The following CNNM2 variants were observed in gnomAD, a reference collection of about 807,000 sequenced individuals.
CNNM2 encodes metal transporter CNNM2.
In CNNM2, 12 loss-of-function variants were observed where a neutral mutation model predicts 66.9. The observed-to-expected ratio is 0.18, with a 90% CI of 0.11 to 0.29. CNNM2 has a LOEUF of 0.29. Among genes scored for constraint, CNNM2 ranks in the 10% least tolerant of loss-of-function variants. The probability of loss-of-function intolerance (pLI) is 1.00; values close to 1 mark genes in which losing one functional copy is unlikely to be tolerated. For missense variants in CNNM2, 705 were observed against 1,167.7 expected (o/e 0.60, Z 5.77); for synonymous variants, 557 against 501.8 (o/e 1.11, Z -1.47).
At chr10:103,059,197 C>T (rs967722080) in intron 4 of CNNM2, among the ~76,000 whole-genome samples, 2 of 152,186 alleles carry the variant, frequency 1.3e-5, no homozygotes, top group East Asian at 1.9e-4. Context: ...TGGTCTTGAA[C>T]TCCTGACCTC....
chr10:103,064,955 C>T (rs779840566), intron 4 of CNNM2, among the ~76,000 whole-genome samples: 2 of 152,166 alleles, frequency 1.3e-5, no homozygotes, highest in African/African-American at 2.4e-5. Flanking sequence ...TCTTACTGGC[C>T]GTTAGGATGG....
At chr10:103,008,319 A>G (rs1261058811) in intron 1 of CNNM2, among the ~76,000 whole-genome samples, 3 of 152,226 alleles carry the variant, frequency 2.0e-5, no homozygotes, top group Non-Finnish European at 4.4e-5. Flanking sequence ...AAACATTAAG[A>G]ATTTCAAAAC....
At chr10:102,962,690 CTGTGTGTGTGTG>C (rs10580172) in intron 1 of CNNM2, among the ~76,000 whole-genome samples, 143 of 143,904 alleles carry the variant, frequency 9.9e-4, no homozygotes, top group East Asian at 3.9e-3. Flanking sequence ...ATATGATATA[CTGTGTGTGTGTG>C]TGTGTGTGTG....
Position 102,968,910 on chromosome 10 carries a change from C to CTTT in CNNM2, c.1621+48828_1621+48830dup, listed in dbSNP as rs767809554. On this transcript the variant is annotated intron_variant, in intron 1 of 7. Coordinates refer to ENST00000369878, the MANE Select transcript of CNNM2 (RefSeq NM_017649.5). ...GCCACTTGTGCCCAGCCAGTGCTGT[C>CTTT]TTTTTTTTTTTTTTTTTTTTTGAGA... is the stretch of plus-strand genomic sequence containing the variant. 3.4e-4 allele frequency among the ~76,000 whole-genome samples: 34 copies of CTTT among 99,690 alleles called. 1 individual carries two copies. Among genetic ancestry groups the CTTT allele is most frequent in the Non-Finnish European group, 3.9e-4 (20 of 50,820 alleles). The allele number at this position is 99,690 out of a possible 152,430, so 65.4% of individuals were successfully genotyped here. A position where few individuals can be genotyped will look rare whatever the true frequency, so the allele number is the denominator to read the frequency against.
chr10:102,934,274 TC>T lies in CNNM2; in HGVS notation c.1621+14174del, dbSNP rs1292866474. On this transcript the variant is annotated intron_variant, in intron 1 of 7. Coordinates refer to ENST00000369878, the MANE Select transcript of CNNM2 (RefSeq NM_017649.5). ...AAGCAAGTCTATTTCTTTCTTTCTT[TC>T]TTTCTTTTTTTTTTTTTGAGACAGA... 5.7e-5 allele frequency among the ~76,000 whole-genome samples: 8 copies of T among 140,784 alleles called. No homozygotes were observed. The East Asian group carries it at 8.4e-4, about 15-fold the overall frequency. 92.4% of individuals were successfully genotyped at this position (140,784 alleles called of 152,430 possible). A position where few individuals can be genotyped will look rare whatever the true frequency, so the allele number is the denominator to read the frequency against.
At chr10:102,995,015 C>G (rs1187472610) in intron 1 of CNNM2, among the ~76,000 whole-genome samples, 7 of 151,856 alleles carry the variant, frequency 4.6e-5, no homozygotes, top group Non-Finnish European at 8.8e-5. Context: ...TTTTTAAAAC[C>G]CTATCCCCTA....
chr10:103,015,235 T>A (rs951024899), intron 1 of CNNM2, among the ~76,000 whole-genome samples: 2 of 152,126 alleles, frequency 1.3e-5, no homozygotes, highest in African/African-American at 4.8e-5. Flanking sequence ...GGGGTGGAGA[T>A]TTAGGACTGG....
At chr10:103,038,037 A>G (rs927847825) in intron 1 of CNNM2, among the ~76,000 whole-genome samples, 1 of 152,058 alleles carries the variant, frequency 6.6e-6, no homozygotes, top group African/African-American at 2.4e-5. Context: ...ACGGGGTTTC[A>G]CCATGTTGGC....
rs2065828719 is a variant in CNNM2 at position 103,087,145 on chromosome 10, T to TTTTTTTTTTTTTTTG, written c.*9979_*9980insGTTTTTTTTTTTTTT. On this transcript the variant is annotated 3_prime_UTR_variant, in exon 8 of 8. Coordinates refer to ENST00000369878, the MANE Select transcript of CNNM2 (RefSeq NM_017649.5). ...ACGGTATAAAACTCCGCAGGATTTT[T>TTTTTTTTTTTTTTTG]TTTTTTTTTTTTTTTTTTTTTTTTT... 1 of 52,626 alleles carries TTTTTTTTTTTTTTTG rather than the reference T, an allele frequency of 1.9e-5. No homozygotes were observed. The highest frequency in any genetic ancestry group is 2.7e-4 in the Admixed American group (1 of 3,762). The allele number at this position is 52,626 out of a possible 1,614,324, so 3.3% of individuals were successfully genotyped here.
At chr10:102,937,850 A>G (rs1047873373) in intron 1 of CNNM2, among the ~76,000 whole-genome samples, 3 of 150,548 alleles carry the variant, frequency 2.0e-5, no homozygotes, top group Non-Finnish European at 4.4e-5. Flanking sequence ...GTCTCAAACT[A>G]TTGGGCTCAA....
At chr10:103,074,632 A>G (rs1222462157) in intron 6 of CNNM2, among the ~76,000 whole-genome samples, 4 of 152,174 alleles carry the variant, frequency 2.6e-5, no homozygotes, top group African/African-American at 9.7e-5. Flanking sequence ...CAGGAGTTCA[A>G]GACCAGGCTG....
At chr10:102,924,019 C>G (rs1399416204) in intron 1 of CNNM2, among the ~76,000 whole-genome samples, 1 of 152,222 alleles carries the variant, frequency 6.6e-6, no homozygotes, top group Non-Finnish European at 1.5e-5. Flanking sequence ...TTACACAACT[C>G]TGCTCTCTGT....
At position 103,029,707 on chromosome 10, in the gene CNNM2, C is replaced by CA. The variant is rs377457292; in HGVS notation, c.1622-19991dup. 1.8e-3 allele frequency among the ~76,000 whole-genome samples: 268 copies of CA among 149,446 alleles called. 1 individual carries two copies. Among genetic ancestry groups the CA allele is most frequent in the African/African-American group, 5.6e-3 (227 of 40,782 alleles). ...TGAAACCCCGTCTCTACTAAAAATACAAAAAAAAATTAGCCAGGCATGGCG... is the reference window on the plus strand; with the variant it reads ...TGAAACCCCGTCTCTACTAAAAATACAAAAAAAAAATTAGCCAGGCATGGCG... On this transcript the variant is annotated intron_variant, in intron 1 of 7. Coordinates refer to ENST00000369878, the MANE Select transcript of CNNM2 (RefSeq NM_017649.5).
intron 1 of CNNM2, among the ~76,000 whole-genome samples, chr10:102,948,300 G>C (rs1202827677): frequency 1.3e-5 from 2 of 152,162 alleles, no homozygotes; most frequent in Non-Finnish European, 2.9e-5. Flanking sequence ...AGTGCCCTGA[G>C]AATATTGGCA....
chr10:103,025,640 G>C (rs1433131795), intron 1 of CNNM2, among the ~76,000 whole-genome samples: 1 of 152,168 alleles, frequency 6.6e-6, no homozygotes, highest in African/African-American at 2.4e-5. Flanking sequence ...TCATACAATA[G>C]TGCATGAATC....
intron 1 of CNNM2, among the ~76,000 whole-genome samples, chr10:103,023,370 T>C (rs575069209): frequency 6.6e-6 from 1 of 152,144 alleles, no homozygotes; most frequent in East Asian, 1.9e-4. Flanking sequence ...CTAACCAAAA[T>C]GGTGAAACCC....
At position 103,079,649 on chromosome 10, in the gene CNNM2, A is replaced by G. The variant is rs2065737782; in HGVS notation, c.*2469A>G. ...CTTGCAAATTATTCTCTTATAAAAG[A>G]GCTCGGCAGGAGTGGCATCAGTGAG... On this transcript the variant is annotated 3_prime_UTR_variant, in exon 8 of 8. Coordinates refer to ENST00000369878, the MANE Select transcript of CNNM2 (RefSeq NM_017649.5). 6.6e-6 allele frequency: 1 copy of G among 152,168 alleles called. No individual in the cohort carries two copies. Among genetic ancestry groups the G allele is most frequent in the African/African-American group, 2.4e-5 (1 of 41,430 alleles). 9.4% of individuals were successfully genotyped at this position (152,168 alleles called of 1,614,324 possible).
At chr10:102,955,504 A>C (rs2134196539) in intron 1 of CNNM2, among the ~76,000 whole-genome samples, 1 of 152,364 alleles carries the variant, frequency 6.6e-6, no homozygotes, top group East Asian at 1.9e-4. Flanking sequence ...CAATGGCAAC[A>C]AAAGCCAAAA....
At chr10:103,031,847 C>T (rs549429945) in intron 1 of CNNM2, among the ~76,000 whole-genome samples, 278 of 149,018 alleles carry the variant, frequency 1.9e-3, no homozygotes, top group African/African-American at 6.1e-3. Context: ...GCGGGGGGGG[C>T]GTGAGGGGAT....
Sources: allele counts gnomAD v4.1 joint callset (sites outside exome capture counted in the v4.1 genomes callset), GRCh38; gene constraint gnomAD v4.1.1; transcripts MANE v1.5; gene names NCBI Gene and HGNC (gene_info 2026-07-23, HGNC 2026-07-21).